Variants in FHIT observed in about 807,000 individuals in gnomAD.
The protein encoded by FHIT is bis(5'-adenosyl)-triphosphatase.
In FHIT, 19 loss-of-function variants were observed where a neutral mutation model predicts 17.9. That is an observed-to-expected ratio of 1.06 (90% CI 0.74 to 1.56). The LOEUF (loss-of-function observed/expected upper bound fraction) is 1.56, where lower values mean the gene tolerates loss of function less well. FHIT is among the 40% of genes most tolerant of loss of function. The pLI is 0.00. For synonymous variants in FHIT, 81 were observed against 69.7 expected (o/e 1.16, Z -0.81); for missense variants, 248 against 189.2 (o/e 1.31, Z -1.82).
At chr3:60,476,431 G>T (rs1181431457) in intron 5 of FHIT, among the ~76,000 whole-genome samples, 1 of 152,172 alleles carries the variant, frequency 6.6e-6, no homozygotes, top group Non-Finnish European at 1.5e-5. Context: ...AAAAGTAACT[G>T]CTATAAGGGG....
intron 3 of FHIT, among the ~76,000 whole-genome samples, chr3:60,846,850 G>A (rs954119994): frequency 3.3e-5 from 5 of 151,572 alleles, no homozygotes; most frequent in Non-Finnish European, 7.4e-5. Context: ...TTGAGATGGA[G>A]TCTTGCTCTG....
At chr3:59,851,175 T>G (rs1701917074) in intron 8 of FHIT, among the ~76,000 whole-genome samples, 1 of 142,012 alleles carries the variant, frequency 7.0e-6, no homozygotes, top group Admixed American at 7.3e-5. Flanking sequence ...ATGAGGAATC[T>G]AAAGTTGATG....
intron 4 of FHIT, among the ~76,000 whole-genome samples, chr3:60,669,776 C>T (rs1664378101): frequency 6.6e-6 from 1 of 152,148 alleles, no homozygotes; most frequent in Non-Finnish European, 1.5e-5. Flanking sequence ...CAGGCCCCTG[C>T]TGGGGCTCAG....
chr3:60,408,769 A>C (rs1398290009), intron 5 of FHIT, among the ~76,000 whole-genome samples: 1 of 152,190 alleles, frequency 6.6e-6, no homozygotes, highest in East Asian at 1.9e-4. Flanking sequence ...TATGACTTTA[A>C]TATTGATTAA....
intron 5 of FHIT, among the ~76,000 whole-genome samples, chr3:60,078,192 C>T (rs1206210394): frequency 6.6e-6 from 1 of 151,938 alleles, no homozygotes; most frequent in Non-Finnish European, 1.5e-5. Flanking sequence ...AAGTATATTC[C>T]TATAAGATAC....
intron 5 of FHIT, among the ~76,000 whole-genome samples, chr3:60,467,544 T>C (rs1388408179): frequency 6.6e-6 from 1 of 152,082 alleles, no homozygotes; most frequent in Non-Finnish European, 1.5e-5. Context: ...TGTTTCAATA[T>C]ATTTTTAAAA....
At chr3:60,483,264 G>C (rs141129971) in intron 5 of FHIT, among the ~76,000 whole-genome samples, 77 of 152,296 alleles carry the variant, frequency 5.1e-4, no homozygotes, top group African/African-American at 1.7e-3. Flanking sequence ...AGAGGAACTG[G>C]TGTCATTCCT....
intron 4 of FHIT, among the ~76,000 whole-genome samples, chr3:60,672,158 A>G (rs948311600): frequency 2.0e-4 from 31 of 152,150 alleles, no homozygotes; most frequent in Admixed American, 6.6e-5. Flanking sequence ...TAAAGTGCAT[A>G]TGTTGTAGTC....
chr3:60,108,754 C>T (rs1290437823), intron 5 of FHIT, among the ~76,000 whole-genome samples: 2 of 151,864 alleles, frequency 1.3e-5, no homozygotes, highest in African/African-American at 4.8e-5. Flanking sequence ...ACCTCCACCT[C>T]CTGGGTTCAA....
chr3:59,996,075 G>C (rs181728213), intron 7 of FHIT, among the ~76,000 whole-genome samples: 115 of 152,088 alleles, frequency 7.6e-4, no homozygotes, highest in Middle Eastern at 6.8e-3. Flanking sequence ...CATGTAGTAG[G>C]TTCTCAAAAA....
chr3:60,902,920 T>C (rs1382589708), intron 3 of FHIT, among the ~76,000 whole-genome samples: 1 of 151,798 alleles, frequency 6.6e-6, no homozygotes, highest in Non-Finnish European at 1.5e-5. Flanking sequence ...TACAAGAGAG[T>C]CTTGGAAACA....
At chr3:60,799,412 A>G (rs2594161) in intron 4 of FHIT, among the ~76,000 whole-genome samples, 145,551 of 152,234 alleles carry the variant, frequency 0.96, 69,934 homozygotes, top group East Asian at 1. Flanking sequence ...GCCCTCAGGT[A>G]ATCCACCTGC....
chr3:60,358,297 A>C (rs1576531804), intron 5 of FHIT, among the ~76,000 whole-genome samples: 2 of 152,176 alleles, frequency 1.3e-5, no homozygotes, highest in African/African-American at 2.4e-5. Context: ...GGAGATTTTG[A>C]TACTAGAGAT....
chr3:61,046,938 G>A (rs1330581540), intron 2 of FHIT, among the ~76,000 whole-genome samples: 3 of 152,114 alleles, frequency 2.0e-5, no homozygotes, highest in Non-Finnish European at 1.5e-5. Context: ...GAAAAAATTT[G>A]ACAGGCCTTC....
intron 5 of FHIT, among the ~76,000 whole-genome samples, chr3:60,214,367 G>T (rs925025440): frequency 6.6e-6 from 1 of 151,982 alleles, no homozygotes; most frequent in East Asian, 1.9e-4. Flanking sequence ...TTTTACAAAG[G>T]AAAGCTTTTT....
intron 1 of FHIT, among the ~76,000 whole-genome samples, chr3:61,210,192 C>T (rs1011658354): frequency 3.9e-5 from 6 of 152,148 alleles, no homozygotes; most frequent in South Asian, 2.1e-4. Context: ...AGTACCCGGC[C>T]GTGTGAGGTG....
intron 5 of FHIT, among the ~76,000 whole-genome samples, chr3:60,355,528 A>G (rs932691666): frequency 2.6e-5 from 4 of 152,194 alleles, no homozygotes; most frequent in African/African-American, 9.6e-5. Flanking sequence ...AAAAATTTCA[A>G]AAGGCTGCAT....
At chr3:60,931,468 A>C (rs1309857384) in intron 3 of FHIT, among the ~76,000 whole-genome samples, 2 of 152,226 alleles carry the variant, frequency 1.3e-5, no homozygotes, top group African/African-American at 2.4e-5. Context: ...TTTCTACTTA[A>C]GAATTAGAGA....
chr3:60,048,366 TG>T (rs1701738330), intron 5 of FHIT, among the ~76,000 whole-genome samples: 1 of 151,292 alleles, frequency 6.6e-6, no homozygotes, highest in Admixed American at 6.6e-5. Context: ...TTAGTAGAGA[TG>T]GGGTTTCACT....
Sources: gnomAD v4.1 joint callset for allele counts (sites outside exome capture counted in the v4.1 genomes callset) on GRCh38, gnomAD v4.1.1 for gene constraint, MANE v1.5 for transcripts, NCBI Gene and HGNC (gene_info 2026-07-23, HGNC 2026-07-21) for gene names.